The following SEMA6D variants were observed in gnomAD, a reference collection of about 807,000 sequenced individuals.
The protein encoded by SEMA6D is semaphorin 6D.
In SEMA6D, 35 loss-of-function variants were observed where a neutral mutation model predicts 106.6. That is an observed-to-expected ratio of 0.33 (90% CI 0.25 to 0.44). The LOEUF is 0.44. SEMA6D is among the 20% of genes least tolerant of loss of function. The probability of loss-of-function intolerance (pLI) is 1.00; values close to 1 mark genes in which losing one functional copy is unlikely to be tolerated. For missense variants in SEMA6D, 1,185 were observed against 1,345.9 expected, an observed-to-expected ratio of 0.88 and a Z score of 1.87; for synonymous variants, 499 against 487.7, an observed-to-expected ratio of 1.02 and a Z score of -0.31.
At chr15:47,540,236 G>A (rs2045312975) in intron 3 of SEMA6D, among the ~76,000 whole-genome samples, 1 of 151,990 alleles carries the variant, frequency 6.6e-6, no homozygotes. Context: ...CCATAATTCA[G>A]GGAATCCACC....
At chr15:47,217,562 C>G (rs1024252234) in intron 1 of SEMA6D, among the ~76,000 whole-genome samples, 2 of 118,304 alleles carry the variant, frequency 1.7e-5, no homozygotes, top group African/African-American at 8.5e-5. Flanking sequence ...ACCACGCGTG[C>G]ACGGGTGTGT....
chr15:47,381,930 T>G (rs2039652912), intron 1 of SEMA6D, among the ~76,000 whole-genome samples: 1 of 152,146 alleles, frequency 6.6e-6, no homozygotes, highest in South Asian at 2.1e-4. Flanking sequence ...AGTGAAGATA[T>G]GTTGAATATT....
intron 1 of SEMA6D, among the ~76,000 whole-genome samples, chr15:47,328,749 C>A (rs2037228639): frequency 6.6e-6 from 1 of 152,186 alleles, no homozygotes; most frequent in African/African-American, 2.4e-5. Context: ...CAAGCTCTCA[C>A]CAGCTTGCTT....
At chr15:47,366,709 G>A (rs1466432490) in intron 1 of SEMA6D, among the ~76,000 whole-genome samples, 3 of 152,214 alleles carry the variant, frequency 2.0e-5, no homozygotes, top group Admixed American at 6.5e-5. Flanking sequence ...GTAAAAAGAC[G>A]TAAGTTTATA....
intron 1 of SEMA6D, among the ~76,000 whole-genome samples, chr15:47,374,117 A>T (rs976494042): frequency 6.6e-6 from 1 of 152,218 alleles, no homozygotes; most frequent in African/African-American, 2.4e-5. Context: ...TGGAGCTCCC[A>T]ACTTATTCAC....
intron 1 of SEMA6D, among the ~76,000 whole-genome samples, chr15:47,266,938 A>G (rs2034348309): frequency 6.6e-6 from 1 of 152,090 alleles, no homozygotes; most frequent in Non-Finnish European, 1.5e-5. Context: ...ATTTCTAGAG[A>G]CTTTAAATGT....
At chr15:47,687,066 C>CA (rs369941348) in intron 4 of SEMA6D, among the ~76,000 whole-genome samples, 70,963 of 120,798 alleles carry the variant, frequency 0.59, 20,288 homozygotes, top group Middle Eastern at 0.71. Context: ...ACCCTGTATC[C>CA]AAAAAAAAAA....
At chr15:47,675,344 G>C (rs2078221359) in intron 4 of SEMA6D, among the ~76,000 whole-genome samples, 1 of 152,154 alleles carries the variant, frequency 6.6e-6, no homozygotes, top group Admixed American at 6.5e-5. Flanking sequence ...CAATTAGGGT[G>C]GGCCCTCATT....
intron 1 of SEMA6D, among the ~76,000 whole-genome samples, chr15:47,194,514 C>T (rs1894198232): frequency 1.3e-5 from 2 of 152,006 alleles, no homozygotes; most frequent in Non-Finnish European, 2.9e-5. Flanking sequence ...TCCAGGCATT[C>T]AAGAGGAAGT....
rs79058006 is a variant in SEMA6D, at chr15:47,746,325, T to C, written c.-54-13420T>C. 3.1e-3 allele frequency among the ~76,000 whole-genome samples: 478 copies of C among 152,324 alleles called. 11 individuals carry two copies. The highest frequency in any genetic ancestry group is 0.03 in the East Asian group (153 of 5,180). ...AAAATAGAGTGAAATCCCATTGTTGTTGGCAGTGATGCTAACATAGATCAT... is the reference window on the plus strand; with the variant it reads ...AAAATAGAGTGAAATCCCATTGTTGCTGGCAGTGATGCTAACATAGATCAT... On this transcript the variant is annotated intron_variant, in intron 1 of 18. Transcript: ENST00000536845.
intron 3 of SEMA6D, among the ~76,000 whole-genome samples, chr15:47,518,891 G>A (rs2044476280): frequency 6.6e-6 from 1 of 151,916 alleles, no homozygotes; most frequent in Non-Finnish European, 1.5e-5. Flanking sequence ...CTGTTTTGCA[G>A]TTAATTTTTT....
chr15:47,494,757 T>TATATATAC (rs2043589566), intron 3 of SEMA6D, among the ~76,000 whole-genome samples: 1 of 77,846 alleles, frequency 1.3e-5, no homozygotes, highest in East Asian at 4.1e-4. Flanking sequence ...TATATATATA[T>TATATATAC]ATATATATAT....
At chr15:47,618,221 A>G (rs889036708) in intron 4 of SEMA6D, among the ~76,000 whole-genome samples, 1 of 152,220 alleles carries the variant, frequency 6.6e-6, no homozygotes, top group East Asian at 1.9e-4. Flanking sequence ...TTGTAAATAT[A>G]AAGAGTTAAT....
chr15:47,548,144 C>T (rs1314221428), intron 3 of SEMA6D, among the ~76,000 whole-genome samples: 1 of 152,148 alleles, frequency 6.6e-6, no homozygotes, highest in Admixed American at 6.6e-5. Flanking sequence ...AAATGAAGGG[C>T]TTTTCAAACT....
Position 47,761,710 on chromosome 15 carries a change from G to A in SEMA6D, c.497G>A (p.Cys166Tyr). ...DGEEISGLARCPFDARQTNVA... is the reference protein window; with the variant it reads ...DGEEISGLARYPFDARQTNVA... ...GAAGAAATTAGTGGCCTGGCAAGAT[G>A]CCCATTTGATGCCAGACAAACCAAT... Residue 166 changes from cysteine (C) to tyrosine (Y), a missense_variant, in exon 7 of 19, where the codon TGC becomes TAC. Cys to Tyr is a radical substitution (Grantham distance 194). Around this residue, in one of 3 missense-constraint regions of SEMA6D, gnomAD observed 291 missense variants for 423.8 expected, o/e 0.69. Coordinates refer to ENST00000536845, the MANE Select transcript of SEMA6D (RefSeq NM_001358351.3). The A allele has an allele frequency of 6.2e-7, 1 of 1,613,430 alleles. No individual in the cohort carries two copies. Among genetic ancestry groups the A allele is most frequent in the Non-Finnish European group, 8.5e-7 (1 of 1,179,640 alleles).
chr15:47,476,542 G>A (rs902462200), intron 3 of SEMA6D, among the ~76,000 whole-genome samples: 17 of 152,076 alleles, frequency 1.1e-4, no homozygotes, highest in African/African-American at 4.1e-4. Context: ...AAATTATGTA[G>A]TATTTCTTTC....
chr15:47,739,356 C>A (rs369836906), intron 1 of SEMA6D, among the ~76,000 whole-genome samples: 1 of 152,188 alleles, frequency 6.6e-6, no homozygotes, highest in Admixed American at 6.5e-5. Context: ...TTAACCTAGT[C>A]TACCTTTTCC....
chr15:47,320,059 C>T (rs1290094288), intron 1 of SEMA6D, among the ~76,000 whole-genome samples: 1 of 152,108 alleles, frequency 6.6e-6, no homozygotes, highest in Non-Finnish European at 1.5e-5. Context: ...TCTTGAGGAT[C>T]TTTAAAAACA....
intron 1 of SEMA6D, among the ~76,000 whole-genome samples, chr15:47,257,606 T>C (rs1566955762): frequency 6.6e-6 from 1 of 152,226 alleles, no homozygotes; most frequent in Admixed American, 6.5e-5. Context: ...GTCATTGGTT[T>C]CTAGTTTGAT....
Sources: allele counts gnomAD v4.1 joint callset (sites outside exome capture counted in the v4.1 genomes callset), GRCh38; gene constraint gnomAD v4.1.1; regional missense constraint gnomAD v4.1.1; transcripts MANE v1.5; gene names NCBI Gene and HGNC (gene_info 2026-07-23, HGNC 2026-07-21).